DNAH6: variants seen among roughly 807,000 people sequenced by gnomAD.
DNAH6 encodes dynein axonemal heavy chain 6, also known as axonemal beta dynein heavy chain 6.
Under a neutral mutation model 491.4 loss-of-function variants are expected in DNAH6, and 340 were observed. The observed-to-expected ratio is 0.69, with a 90% CI of 0.63 to 0.76. The LOEUF (loss-of-function observed/expected upper bound fraction) is 0.76. DNAH6 is among the 30% of genes least tolerant of loss of function. DNAH6 has a pLI of 0.00. For synonymous variants in DNAH6, 1,603 were observed against 1,686.1 expected, an observed-to-expected ratio of 0.95 and a Z score of 1.21; for missense variants, 4,443 against 4,972.2, an observed-to-expected ratio of 0.89 and a Z score of 3.20.
chr2:84,696,515 T>A (rs1366601464), intron 46 of DNAH6, among the ~76,000 whole-genome samples: 3 of 151,888 alleles, frequency 2.0e-5, no homozygotes, highest in Non-Finnish European at 2.9e-5. Context: ...TACTTAAAAC[T>A]TTAGGAGGGA....
rs575761105 is a variant in DNAH6, at chr2:84,556,067, G to T, written c.1603-1668G>T. ...CCTGCTTAAAATTTCTCCATTGCCT[G>T]TAGTAGCATCTTTCACAAGATGTTC... On this transcript the variant is annotated intron_variant, in intron 10 of 76. Transcript: ENST00000389394. Among the ~76,000 whole-genome samples the T allele has an allele frequency of 1.1e-4, 16 of 152,292 alleles. 1 individual carries two copies. The South Asian group carries it at 3.3e-3, about 32-fold the overall frequency.
In DNAH6 at chr2:84,621,347, C is replaced by G. The variant is rs1687376410; in HGVS notation, c.3949C>G (p.Pro1317Ala). Residue 1317 changes from proline to alanine, a missense_variant, in exon 25 of 77, where the codon CCT (proline) becomes GCT (alanine). Physicochemically the swap from Pro to Ala is conservative, Grantham distance 27. Transcript: ENST00000389394. ...GACAGACTGGGTGGTTGCTGGCCAC[C>G]CTTCTCAAGTAACTCACACTCACAT... ...LRTDWVVAGH[P>A]SQVILTVSQI... The G allele has an allele frequency of 6.4e-7, 1 of 1,551,366 alleles. No individual in the cohort carries two copies. Among genetic ancestry groups the G allele is most frequent in the East Asian group, 2.4e-5 (1 of 40,934 alleles).
chr2:84,791,791 C>T (rs1358280766), intron 68 of DNAH6, among the ~76,000 whole-genome samples: 1 of 151,722 alleles, frequency 6.6e-6, no homozygotes, highest in African/African-American at 2.4e-5. Context: ...AAAGACAATG[C>T]TTTATCCAGG....
intron 64 of DNAH6, among the ~76,000 whole-genome samples, chr2:84,765,680 AAGTAT>A (rs1457533332): frequency 6.6e-6 from 1 of 152,108 alleles, no homozygotes; most frequent in Non-Finnish European, 1.5e-5. Flanking sequence ...ATCAAAAATG[AAGTAT>A]AGTAAACCAA....
chr2:84,592,200 G>A (rs1034283258), intron 16 of DNAH6, among the ~76,000 whole-genome samples: 2 of 151,922 alleles, frequency 1.3e-5, no homozygotes, highest in African/African-American at 4.8e-5. Context: ...CTTGATAAGA[G>A]GTTATTATCT....
Position 84,588,859 on chromosome 2 carries a change from G to A in DNAH6, c.2515G>A (p.Asp839Asn). 2 of 1,550,132 alleles carry A rather than the reference G, an allele frequency of 1.3e-6. No homozygotes were observed. Among genetic ancestry groups the A allele is most frequent in the Non-Finnish European group, 1.7e-6 (2 of 1,146,312 alleles). ...PQILDISADQ[D>N]KIRLILNNLQ... ...GATTTTAGATATCTCTGCTGACCAAGACAAAATAAGGCTCATATTGAATAA... is the reference window on the plus strand; with the variant it reads ...GATTTTAGATATCTCTGCTGACCAAAACAAAATAAGGCTCATATTGAATAA... The change falls in exon 16 of 77, where the codon GAC (aspartate) becomes AAC (asparagine). Residue 839 changes from aspartate to asparagine, a missense_variant. Physicochemically the swap from Asp to Asn is conservative, Grantham distance 23. This residue lies in a region of DNAH6 where 2,977 missense variants were observed against 3,296.6 expected (regional missense o/e 0.90). Coordinates refer to ENST00000389394, the MANE Select transcript of DNAH6 (RefSeq NM_001370.2).
chr2:84,814,807 G>A (rs1314779625), intron 75 of DNAH6, among the ~76,000 whole-genome samples: 2 of 152,200 alleles, frequency 1.3e-5, no homozygotes, highest in Non-Finnish European at 2.9e-5. Flanking sequence ...TCTGAGATCT[G>A]GGGAGACTTC....
intron 22 of DNAH6, among the ~76,000 whole-genome samples, chr2:84,613,008 GA>G (rs140314274): frequency 9.3e-5 from 14 of 150,140 alleles, no homozygotes; most frequent in Admixed American, 2.0e-4. Flanking sequence ...CTTCTGAAAT[GA>G]AAAAAAAATC....
rs79948237 is a variant in DNAH6 at position 84,691,783 on chromosome 2, T to A, written c.7293-2466T>A. 4.3e-3 allele frequency among the ~76,000 whole-genome samples: 648 copies of A among 152,290 alleles called. 3 individuals are homozygous for A. The highest frequency in any genetic ancestry group is 0.015 in the African/African-American group (607 of 41,544). Reference sequence around the variant, plus strand: ...ATCATGAAATATTACTCTTTAAAAATTTTTTTCAACCATTAAAAAAAATCT... The same window carrying A: ...ATCATGAAATATTACTCTTTAAAAAATTTTTTCAACCATTAAAAAAAATCT... On this transcript the variant is annotated intron_variant, in intron 45 of 76. Transcript: ENST00000389394.
At chr2:84,818,660 T>A (rs948146576) in intron 76 of DNAH6, among the ~76,000 whole-genome samples, 2 of 152,170 alleles carry the variant, frequency 1.3e-5, no homozygotes, top group Non-Finnish European at 2.9e-5. Flanking sequence ...ACAGTCTGGT[T>A]GTTTCAACAA....
At position 84,691,795 on chromosome 2, in the gene DNAH6, AT is replaced by A. The variant is rs758758427; in HGVS notation, c.7293-2452del. Among the ~76,000 whole-genome samples the A allele has an allele frequency of 6.6e-5, 10 of 152,342 alleles. No homozygotes were observed. The East Asian group carries it at 7.7e-4, about 12-fold the overall frequency. The stretch of plus-strand genomic sequence containing the variant: ...TACTCTTTAAAAATTTTTTTCAACC[AT>A]TAAAAAAAATCTAAAAACCGTTCTT... On this transcript the variant is annotated intron_variant, in intron 45 of 76. Coordinates refer to ENST00000389394, the MANE Select transcript of DNAH6 (RefSeq NM_001370.2).
At chr2:84,787,367 C>T (rs1281222502) in intron 68 of DNAH6, 65 bp downstream of exon 68, 17 of 1,317,014 alleles carry the variant, frequency 1.3e-5, no homozygotes, top group Non-Finnish European at 1.8e-5. Context: ...TTACTCCCAC[C>T]TGGCCCTTAC....
At chr2:84,767,605 A>G (rs561392045) in intron 64 of DNAH6, among the ~76,000 whole-genome samples, 2 of 152,126 alleles carry the variant, frequency 1.3e-5, no homozygotes, top group Non-Finnish European at 2.9e-5. Flanking sequence ...AGAATTCAAT[A>G]TATCAATTTG....
At position 84,621,424 on chromosome 2, in the gene DNAH6, A is replaced by G. The variant is rs1423475332; in HGVS notation, c.3958-14A>G. 6.2e-5 allele frequency: 96 copies of G among 1,541,142 alleles called. No homozygotes were observed. Among genetic ancestry groups the G allele is most frequent in the Non-Finnish European group, 8.3e-5 (95 of 1,138,082 alleles). On this transcript the variant is annotated splice_polypyrimidine_tract_variant and intron_variant, in intron 25 of 76. Transcript: ENST00000389394. ...GATATGCATCACATATTTAAGAAAC[A>G]TGTTTTCTTGCAGGTTATCCTGACT...
At chr2:84,498,989 G>T in the DNAH6 span, among the ~76,000 whole-genome samples, 1 of 152,108 alleles carries the variant, frequency 6.6e-6, no homozygotes, top group African/African-American at 2.4e-5. Context: ...GATGCAATGG[G>T]AATAAGCACT....
intron 72 of DNAH6, among the ~76,000 whole-genome samples, chr2:84,809,962 C>T (rs1228847496): frequency 6.6e-6 from 1 of 152,172 alleles, no homozygotes; most frequent in African/African-American, 2.4e-5. Context: ...AAAGGAGTCT[C>T]TCGATGGGGT....
chr2:84,632,648 T>C (rs1048369359), intron 29 of DNAH6, among the ~76,000 whole-genome samples: 2 of 152,224 alleles, frequency 1.3e-5, no homozygotes, highest in Admixed American at 6.5e-5. Context: ...GCAGCTTTGT[T>C]GTACAGAACA....
intron 16 of DNAH6, 93 bp downstream of exon 16, chr2:84,589,047 A>G: frequency 8.5e-7 from 1 of 1,179,544 alleles, no homozygotes; most frequent in Non-Finnish European, 1.1e-6. Flanking sequence ...GTAAACATTC[A>G]ATATTTGGAC....
chr2:84,694,435 T>C lies in DNAH6; in HGVS notation c.7479T>C (p.Ala2493=). 1 of 1,552,114 alleles carries C rather than the reference T, an allele frequency of 6.4e-7. No individual in the cohort carries two copies. The highest frequency in any genetic ancestry group is 1.4e-5 in the African/African-American group (1 of 73,190). Residue 2493 remains alanine (A), a synonymous_variant, in exon 46 of 77, where the codon GCT becomes GCC. Transcript: ENST00000389394. ...HEDLRKLYKM[A]GVEDKNMVFL... ...ACCTGAGGAAGTTGTACAAAATGGC[T>C]GGTGTAGAAGACAAGAATATGGTTT...
Sources: allele counts gnomAD v4.1 joint callset (sites outside exome capture counted in the v4.1 genomes callset), GRCh38; gene constraint gnomAD v4.1.1; regional missense constraint gnomAD v4.1.1; transcripts MANE v1.5; gene names NCBI Gene and HGNC (gene_info 2026-07-23, HGNC 2026-07-21).